SRGAP3: variants seen among roughly 807,000 people sequenced by gnomAD.
SRGAP3 encodes SLIT-ROBO Rho GTPase-activating protein 3.
SRGAP3 carries 39 observed loss-of-function variants against 121.1 expected under a neutral mutation model. That is an observed-to-expected ratio of 0.32 (90% confidence interval 0.25 to 0.42). SRGAP3 has a LOEUF of 0.42. SRGAP3 is among the 10% of genes least tolerant of loss of function. The pLI, the probability that SRGAP3 is intolerant of heterozygous loss-of-function variation, is 1.00. For synonymous variants in SRGAP3, 601 were observed against 570.0 expected (o/e 1.05, Z -0.77); for missense variants, 1,213 against 1,470.6 (o/e 0.82, Z 2.86).
intron 3 of SRGAP3, among the ~76,000 whole-genome samples, chr3:9,294,778 T>TC (rs1379511433): frequency 2.0e-5 from 3 of 148,530 alleles, no homozygotes. Flanking sequence ...AAGAAACAGC[T>TC]CCCCCCACCT....
chr3:9,017,492 T>C (rs545381791), intron 14 of SRGAP3, among the ~76,000 whole-genome samples: 1 of 152,276 alleles, frequency 6.6e-6, no homozygotes, highest in Admixed American at 6.5e-5. Context: ...TATGTTATTG[T>C]TTAGTATTTT....
rs774180283 is a variant in SRGAP3, at chr3:8,994,420, G to A, written c.2331C>T (p.Ala777=). 5 of 1,614,246 alleles carry A rather than the reference G, an allele frequency of 3.1e-6. No individual in the cohort carries two copies. In the Admixed American group the frequency reaches 8.3e-5, roughly 27 times the overall value. Residue 777 remains alanine (A), a synonymous_variant, in exon 19 of 22, where the codon GCC becomes GCT. Transcript: ENST00000383836. ...GCCGGCCCTCCCACCAGTCCTCCGA[G>A]GCGCGGTGGTACAGGAGCAGCGAGG... ...KGASLLLYHR[A]SEDWWEGRHN...
At chr3:9,079,846 A>T (rs185595697) in intron 4 of SRGAP3, among the ~76,000 whole-genome samples, 179 bp downstream of exon 4, 7 of 152,336 alleles carry the variant, frequency 4.6e-5, no homozygotes, top group African/African-American at 1.4e-4. Flanking sequence ...AGATGTACAG[A>T]ATCAGAAGCT....
chr3:9,362,569 C>A (rs1261213025), intron 1 of SRGAP3, among the ~76,000 whole-genome samples: 6 of 152,044 alleles, frequency 3.9e-5, no homozygotes, highest in Non-Finnish European at 5.9e-5. Flanking sequence ...CACTTGAACC[C>A]AGATGTTCGA....
At chr3:9,106,463 C>T (rs1948421418) in intron 2 of SRGAP3, among the ~76,000 whole-genome samples, 1 of 152,212 alleles carries the variant, frequency 6.6e-6, no homozygotes, top group Non-Finnish European at 1.5e-5. Context: ...TTAGAAAACA[C>T]AGCCTCCCAC....
rs73811427 is a variant in SRGAP3, at chr3:9,073,521, G to A, written c.486+6504C>T. Among the ~76,000 whole-genome samples, 1,162 of 152,264 alleles carry A rather than the reference G, an allele frequency of 7.6e-3. 16 individuals are homozygous for A. Among genetic ancestry groups the A allele is most frequent in the African/African-American group, 0.026 (1,077 of 41,542 alleles). The stretch of plus-strand genomic sequence containing the variant: ...AGTGTAGGGGAGCGCTTAAGCACTC[G>A]GAGTCTGGAGCAGGTTCTGCTGTTT... On this transcript the variant is annotated intron_variant, in intron 4 of 21. Coordinates refer to ENST00000383836, the MANE Select transcript of SRGAP3 (RefSeq NM_014850.4).
intron 16 of SRGAP3, 101 bp from the exon 17 acceptor site, chr3:9,013,636 A>G: frequency 1.3e-6 from 2 of 1,553,660 alleles, no homozygotes; most frequent in South Asian, 2.2e-5. Context: ...GGAGGGTTCC[A>G]TGTTCTCCTT....
intron 1 of SRGAP3, among the ~76,000 whole-genome samples, chr3:9,237,342 G>C (rs1953451425): frequency 2.0e-5 from 3 of 152,142 alleles, no homozygotes; most frequent in Non-Finnish European, 1.5e-5. Context: ...TACAGGTCAG[G>C]AATGCTGCTA....
intron 1 of SRGAP3, among the ~76,000 whole-genome samples, chr3:9,342,314 G>A (rs1316132775): frequency 6.6e-6 from 1 of 150,666 alleles, no homozygotes; most frequent in African/African-American, 2.5e-5. Context: ...TTGCGCCACT[G>A]TACTCCAGCC....
chr3:9,045,288 A>C (rs933197077), intron 10 of SRGAP3, among the ~76,000 whole-genome samples: 2 of 151,832 alleles, frequency 1.3e-5, no homozygotes, highest in Non-Finnish European at 2.9e-5. Context: ...CGGCCAGCTT[A>C]CTGAAACACA....
chr3:9,096,876 TATATA>T (rs1408700470), intron 3 of SRGAP3, among the ~76,000 whole-genome samples: 19 of 143,156 alleles, frequency 1.3e-4, no homozygotes, highest in Non-Finnish European at 2.3e-4. Context: ...TAATAGCTAA[TATATA>T]ATATATTATT....
At chr3:9,005,657 A>G (rs1009469533) in intron 18 of SRGAP3, among the ~76,000 whole-genome samples, 2 of 152,240 alleles carry the variant, frequency 1.3e-5, no homozygotes, top group African/African-American at 4.8e-5. Context: ...GCTAAGAGAA[A>G]GGCCACATGT....
At chr3:9,226,184 T>A (rs1269357443) in intron 1 of SRGAP3, among the ~76,000 whole-genome samples, 1 of 152,212 alleles carries the variant, frequency 6.6e-6, no homozygotes, top group African/African-American at 2.4e-5. Flanking sequence ...GGCAGTGATA[T>A]CTTTTGCCCA....
intron 1 of SRGAP3, among the ~76,000 whole-genome samples, chr3:9,144,965 T>C (rs959135775): frequency 6.6e-6 from 1 of 152,254 alleles, no homozygotes; most frequent in Non-Finnish European, 1.5e-5. Context: ...TTATAAATGT[T>C]TAAATCTGAA....
chr3:9,267,079 T>G (rs1303948265), intron 3 of SRGAP3, among the ~76,000 whole-genome samples: 1 of 152,140 alleles, frequency 6.6e-6, no homozygotes, highest in East Asian at 1.9e-4. Flanking sequence ...CAAGTAAGGG[T>G]TCCTCCTGGA....
rs1953532196 is a variant in SRGAP3, at chr3:9,239,111, G to T, written c.67+9774C>A. ...ATAAAGATGTGAGGCCGGCCGCAGTGGCTCACACCTATAATCCCAGCATTT... is the reference window on the plus strand; with the variant it reads ...ATAAAGATGTGAGGCCGGCCGCAGTTGCTCACACCTATAATCCCAGCATTT... On this transcript the variant is annotated intron_variant, in intron 1 of 21. Coordinates refer to ENST00000383836, the MANE Select transcript of SRGAP3 (RefSeq NM_014850.4). This position sits in a 1 kb window ranked among gnomAD's most constrained non-coding sequence, Gnocchi z 4.0. 6.6e-6 allele frequency among the ~76,000 whole-genome samples: 1 copy of T among 152,172 alleles called. No homozygotes were observed. Among genetic ancestry groups the T allele is most frequent in the South Asian group, 2.1e-4 (1 of 4,824 alleles).
At chr3:8,998,443 C>T (rs1457458022) in intron 18 of SRGAP3, among the ~76,000 whole-genome samples, 1 of 152,162 alleles carries the variant, frequency 6.6e-6, no homozygotes, top group Non-Finnish European at 1.5e-5. Flanking sequence ...TTTCTAACAC[C>T]TTCTCTTGCT....
chr3:9,192,268 C>T (rs912039618), intron 1 of SRGAP3, among the ~76,000 whole-genome samples: 1 of 152,178 alleles, frequency 6.6e-6, no homozygotes, highest in South Asian at 2.1e-4. Context: ...ATCTTTGTAT[C>T]GCTGGGGCTT....
chr3:9,133,934 T>C (rs2125012504), intron 1 of SRGAP3, among the ~76,000 whole-genome samples: 2 of 152,328 alleles, frequency 1.3e-5, no homozygotes, highest in East Asian at 3.9e-4. Context: ...TAAAGTTTAG[T>C]TTAGCGCTAG....
Sources: allele counts gnomAD v4.1 joint callset (sites outside exome capture counted in the v4.1 genomes callset), GRCh38; gene constraint gnomAD v4.1.1; non-coding constraint Gnocchi (gnomAD v3.1); transcripts MANE v1.5; gene names NCBI Gene and HGNC (gene_info 2026-07-23, HGNC 2026-07-21).